SNX31: variants seen among roughly 807,000 people sequenced by gnomAD.
The protein encoded by SNX31 is sorting nexin 31.
In SNX31, 58 loss-of-function variants were observed where a neutral mutation model predicts 65.4. That is an observed-to-expected ratio of 0.89 (90% confidence interval 0.72 to 1.10). The LOEUF is 1.10. SNX31 is among the 50% of genes least tolerant of loss of function. The pLI, the probability that SNX31 is intolerant of heterozygous loss-of-function variation, is 0.00. For missense variants in SNX31, 523 were observed against 529.7 expected, an observed-to-expected ratio of 0.99 and a Z score of 0.12; for synonymous variants, 181 against 190.1, an observed-to-expected ratio of 0.95 and a Z score of 0.39.
chr8:100,602,609 TG>T (rs1236374649), intron 8 of SNX31, among the ~76,000 whole-genome samples: 2 of 152,260 alleles, frequency 1.3e-5, no homozygotes, highest in Non-Finnish European at 1.5e-5. Flanking sequence ...TATAACAATA[TG>T]CCAGCATCAC....
intron 12 of SNX31, among the ~76,000 whole-genome samples, chr8:100,577,872 T>G (rs1254731344): frequency 6.6e-6 from 1 of 152,200 alleles, no homozygotes; most frequent in East Asian, 1.9e-4. Flanking sequence ...ACTCTCACTT[T>G]TCTCCCACCC....
At chr8:100,574,848 C>A (rs981310401) in intron 13 of SNX31, among the ~76,000 whole-genome samples, 1 of 152,080 alleles carries the variant, frequency 6.6e-6, no homozygotes, top group African/African-American at 2.4e-5. Flanking sequence ...GCAGGAGGAT[C>A]GCTTGAACCT....
At position 100,661,669 on chromosome 8, in the gene SNX31, T is replaced by C. The variant is rs150121577; in HGVS notation, c.-58+1473A>G. On this transcript the variant is annotated intron_variant, in intron 1 of 5. Coordinates refer to the SNX31 transcript ENST00000520352. Reference sequence around the variant, plus strand: ...TCGGCCTCCCAAGGAGCTGGGACTATAACATGCACCACCACACACGGCCAG... The same window carrying C: ...TCGGCCTCCCAAGGAGCTGGGACTACAACATGCACCACCACACACGGCCAG... Among the ~76,000 whole-genome samples the C allele has an allele frequency of 6.6e-3, 991 of 150,660 alleles. 12 individuals are homozygous for C. The highest frequency in any genetic ancestry group is 0.023 in the African/African-American group (957 of 40,796).
At chr8:100,621,102 C>T (rs1817651988) in intron 4 of SNX31, among the ~76,000 whole-genome samples, 1 of 152,138 alleles carries the variant, frequency 6.6e-6, no homozygotes, top group Non-Finnish European at 1.5e-5. Context: ...TGAGATTGCA[C>T]CACTGCACTC....
chr8:100,608,990 T>C (rs943139757), intron 7 of SNX31, among the ~76,000 whole-genome samples: 11 of 152,302 alleles, frequency 7.2e-5, no homozygotes, highest in African/African-American at 2.4e-4. Flanking sequence ...GAGCCTCCTT[T>C]CCAGGCTTTC....
chr8:100,625,670 T>G lies in SNX31; in HGVS notation c.321+4657A>C, dbSNP rs1332301083. Among the ~76,000 whole-genome samples the G allele has an allele frequency of 6.6e-6, 1 of 152,148 alleles. No homozygotes were observed. Among genetic ancestry groups the G allele is most frequent in the Non-Finnish European group, 1.5e-5 (1 of 68,030 alleles). On this transcript the variant is annotated intron_variant, in intron 4 of 13. Transcript: ENST00000311812. The surrounding 1 kb of genome is among the most constrained non-coding windows in gnomAD (Gnocchi z 4.2). Reference sequence around the variant, plus strand: ...TGAGGTTTTCAGAAGGGCTGCCAAGTGCGTTGAAAATTGAACCTGGTCAGG... The same window carrying G: ...TGAGGTTTTCAGAAGGGCTGCCAAGGGCGTTGAAAATTGAACCTGGTCAGG...
chr8:100,583,265 C>T (rs1286919225), intron 12 of SNX31, among the ~76,000 whole-genome samples: 1 of 151,828 alleles, frequency 6.6e-6, no homozygotes, highest in Non-Finnish European at 1.5e-5. Flanking sequence ...CACCACCACA[C>T]CCAGTTAATT....
chr8:100,613,107 A>G lies in SNX31; in HGVS notation c.433-22T>C. 6 of 1,605,844 alleles carry G rather than the reference A, an allele frequency of 3.7e-6. No homozygotes were observed. Among genetic ancestry groups the G allele is most frequent in the Non-Finnish European group, 5.1e-6 (6 of 1,172,614 alleles). ...CCACCTTTAACCAGAAACAAGCAGAAAGGGAAAAAGTTAGGTGTGCCCACC... is the reference window on the plus strand; with the variant it reads ...CCACCTTTAACCAGAAACAAGCAGAGAGGGAAAAAGTTAGGTGTGCCCACC... On this transcript the variant is annotated intron_variant, in intron 5 of 13. Transcript: ENST00000311812. The surrounding 1 kb of genome is among the most constrained non-coding windows in gnomAD (Gnocchi z 5.2).
intron 9 of SNX31, among the ~76,000 whole-genome samples, chr8:100,598,725 T>C (rs1167528392): frequency 2.0e-5 from 3 of 152,222 alleles, no homozygotes; most frequent in Non-Finnish European, 4.4e-5. Context: ...TTTATATTAA[T>C]ATATTTTCAT....
chr8:100,640,454 C>T (rs1167169190), intron 2 of SNX31, among the ~76,000 whole-genome samples: 1 of 151,708 alleles, frequency 6.6e-6, no homozygotes, highest in Non-Finnish European at 1.5e-5. Context: ...AGATACTTCT[C>T]AAAAAGGGGG....
rs889283218 is a variant in SNX31, at chr8:100,613,977, C to T, written c.433-892G>A. On this transcript the variant is annotated intron_variant, in intron 5 of 13. Coordinates refer to ENST00000311812, the MANE Select transcript of SNX31 (RefSeq NM_152628.4). This position sits in a 1 kb window ranked among gnomAD's most constrained non-coding sequence, Gnocchi z 5.2. ...CTCCAGAGCTGCTTTACCCACGACT[C>T]CCAGTTCTCTAGGTGGCAGTTGTAC... 6.6e-6 allele frequency among the ~76,000 whole-genome samples: 1 copy of T among 152,152 alleles called. No individual in the cohort carries two copies. The highest frequency in any genetic ancestry group is 2.4e-5 in the African/African-American group (1 of 41,434).
chr8:100,637,448 A>C (rs1207597349), intron 2 of SNX31, among the ~76,000 whole-genome samples: 1 of 152,226 alleles, frequency 6.6e-6, no homozygotes, highest in Non-Finnish European at 1.5e-5. Context: ...AGATTTTTTA[A>C]TTCCATGGCC....
At chr8:100,633,764 AC>A (rs1439103666) in intron 3 of SNX31, among the ~76,000 whole-genome samples, 1 of 152,168 alleles carries the variant, frequency 6.6e-6, no homozygotes, top group Non-Finnish European at 1.5e-5. Context: ...ACATACACAC[AC>A]AAGGAAAAAA....
At chr8:100,587,064 C>T (rs2130837894) in intron 11 of SNX31, among the ~76,000 whole-genome samples, 1 of 152,196 alleles carries the variant, frequency 6.6e-6, no homozygotes, top group Middle Eastern at 3.4e-3. Context: ...CCTAAGAGAC[C>T]CTGATTTTGT....
intron 5 of SNX31, among the ~76,000 whole-genome samples, chr8:100,616,676 C>T (rs1208811981): frequency 1.3e-5 from 2 of 152,028 alleles, no homozygotes; most frequent in Non-Finnish European, 2.9e-5. Context: ...GAGCTAAGGT[C>T]AAGATGTAGG....
intron 10 of SNX31, among the ~76,000 whole-genome samples, chr8:100,595,182 T>C (rs1197026032): frequency 6.6e-6 from 1 of 152,182 alleles, no homozygotes; most frequent in East Asian, 1.9e-4. Flanking sequence ...AGGGCTAAGA[T>C]CATACAATAT....
rs962517270 is a variant in SNX31, at chr8:100,604,597, A to G, written c.681+3897T>C. Among the ~76,000 whole-genome samples the G allele has an allele frequency of 6.6e-6, 1 of 152,266 alleles. No individual in the cohort carries two copies. The highest frequency in any genetic ancestry group is 1.5e-5 in the Non-Finnish European group (1 of 68,046). ...GATGGGGTGCCTTTTTCTAATTTGC[A>G]TCACTGTCCAGGCCAGCAATGGCCC... On this transcript the variant is annotated intron_variant, in intron 8 of 13. Transcript: ENST00000311812. The surrounding 1 kb of genome is among the most constrained non-coding windows in gnomAD (Gnocchi z 4.3).
intron 11 of SNX31, among the ~76,000 whole-genome samples, chr8:100,584,619 C>G (rs1290551891): frequency 6.6e-6 from 1 of 151,808 alleles, no homozygotes; most frequent in Non-Finnish European, 1.5e-5. Context: ...TATTGAGAGA[C>G]CTCTACTGGG....
intron 1 of SNX31, among the ~76,000 whole-genome samples, chr8:100,661,071 T>G (rs1225160949): frequency 1.3e-5 from 2 of 150,788 alleles, no homozygotes; most frequent in African/African-American, 2.5e-5. Context: ...AGTGGCGTGA[T>G]CTCGGCTCAC....
Sources: allele counts gnomAD v4.1 joint callset (sites outside exome capture counted in the v4.1 genomes callset), GRCh38; gene constraint gnomAD v4.1.1; non-coding constraint Gnocchi (gnomAD v3.1); transcripts MANE v1.5; gene names NCBI Gene and HGNC (gene_info 2026-07-23, HGNC 2026-07-21).